The following HS6ST3 variants were observed in gnomAD, a reference collection of about 807,000 sequenced individuals.
HS6ST3 encodes heparan-sulfate 6-O-sulfotransferase 3.
HS6ST3 carries 12 observed loss-of-function variants against 36.7 expected under a neutral mutation model. That is an observed-to-expected ratio of 0.33 (90% confidence interval 0.21 to 0.53). HS6ST3 has a LOEUF of 0.53. HS6ST3 is among the 20% of genes least tolerant of loss of function. The pLI is 0.95. For synonymous variants in HS6ST3, 240 were observed against 257.5 expected (o/e 0.93, Z 0.65); for missense variants, 584 against 640.9 (o/e 0.91, Z 0.96).
Position 96,752,179 on chromosome 13 carries a change from A to G in HS6ST3, c.708-80311A>G, listed in dbSNP as rs1876717893. Among the ~76,000 whole-genome samples, 3 of 152,118 alleles carry G rather than the reference A, an allele frequency of 2.0e-5. No homozygotes were observed. The South Asian group carries it at 6.2e-4, about 32-fold the overall frequency. ...CACAATCCGTGTAGTCATTTCAGATATGCTGGTATCATTCAACAAAGGTTT... is the reference window on the plus strand; with the variant it reads ...CACAATCCGTGTAGTCATTTCAGATGTGCTGGTATCATTCAACAAAGGTTT... On this transcript the variant is annotated intron_variant, in intron 1 of 1. Transcript: ENST00000376705.
At chr13:96,484,120 A>G (rs1215035352) in intron 1 of HS6ST3, among the ~76,000 whole-genome samples, 1 of 150,578 alleles carries the variant, frequency 6.6e-6, no homozygotes, top group African/African-American at 2.5e-5. Context: ...TTTTGCCAGT[A>G]CTACAGTCTT....
chr13:96,639,212 G>A (rs553597949), intron 1 of HS6ST3, among the ~76,000 whole-genome samples: 1 of 152,036 alleles, frequency 6.6e-6, no homozygotes, highest in African/African-American at 2.4e-5. Context: ...TGAGACTCTT[G>A]TTAGGTCCAT....
At chr13:96,497,871 T>C (rs1392261907) in intron 1 of HS6ST3, among the ~76,000 whole-genome samples, 1 of 152,206 alleles carries the variant, frequency 6.6e-6, no homozygotes, top group Non-Finnish European at 1.5e-5. Flanking sequence ...ACTTCCCCTT[T>C]GTCCTCTGAA....
chr13:96,138,017 A>G (rs1389933052), intron 1 of HS6ST3, among the ~76,000 whole-genome samples: 1 of 152,218 alleles, frequency 6.6e-6, no homozygotes, highest in Admixed American at 6.5e-5. Context: ...CTGTAATGAT[A>G]GCAATTAACA....
chr13:96,557,079 C>T (rs2056243807), intron 1 of HS6ST3, among the ~76,000 whole-genome samples: 1 of 152,178 alleles, frequency 6.6e-6, no homozygotes, highest in African/African-American at 2.4e-5. Flanking sequence ...CTGTGAGGTT[C>T]TAAAAACAGC....
intron 1 of HS6ST3, among the ~76,000 whole-genome samples, chr13:96,366,181 T>C (rs2055261554): frequency 6.6e-6 from 1 of 152,292 alleles, no homozygotes; most frequent in East Asian, 1.9e-4. Flanking sequence ...TAATTTAATA[T>C]GTATAAGAAT....
At chr13:96,137,752 C>A (rs1306798442) in intron 1 of HS6ST3, among the ~76,000 whole-genome samples, 1 of 152,166 alleles carries the variant, frequency 6.6e-6, no homozygotes, top group Non-Finnish European at 1.5e-5. Flanking sequence ...CAGCATTTGA[C>A]CCTACAAGGC....
chr13:96,263,611 T>C (rs2054677039), intron 1 of HS6ST3, among the ~76,000 whole-genome samples: 1 of 152,218 alleles, frequency 6.6e-6, no homozygotes, highest in Admixed American at 6.5e-5. Context: ...TCAAGAAATG[T>C]GAACAAATTT....
At chr13:96,172,430 A>G (rs2054191908) in intron 1 of HS6ST3, among the ~76,000 whole-genome samples, 1 of 152,086 alleles carries the variant, frequency 6.6e-6, no homozygotes, top group South Asian at 2.1e-4. Context: ...CTTAAAGTGT[A>G]CAGTTTGAGA....
intron 1 of HS6ST3, among the ~76,000 whole-genome samples, chr13:96,293,108 G>A (rs543235583): frequency 1.4e-4 from 22 of 152,106 alleles, no homozygotes; most frequent in African/African-American, 5.1e-4. Context: ...AAGTAATAGT[G>A]CCCTGAAAGA....
At chr13:96,095,462 G>A (rs2053785682) in intron 1 of HS6ST3, among the ~76,000 whole-genome samples, 3 of 152,156 alleles carry the variant, frequency 2.0e-5, no homozygotes, top group African/African-American at 7.2e-5. Context: ...TATTAAATAG[G>A]ACCTTCTGTG....
At chr13:96,673,032 G>T (rs1410667086) in intron 1 of HS6ST3, among the ~76,000 whole-genome samples, 1 of 152,134 alleles carries the variant, frequency 6.6e-6, no homozygotes, top group Non-Finnish European at 1.5e-5. Flanking sequence ...ACAGGGCCAT[G>T]CTCCTTCCAG....
intron 1 of HS6ST3, among the ~76,000 whole-genome samples, chr13:96,661,766 G>C (rs963612489): frequency 6.6e-6 from 1 of 152,080 alleles, no homozygotes; most frequent in Non-Finnish European, 1.5e-5. Flanking sequence ...AATGCCTATG[G>C]CATTCCTTGT....
At chr13:96,789,304 T>C (rs1877724706) in intron 1 of HS6ST3, among the ~76,000 whole-genome samples, 1 of 151,860 alleles carries the variant, frequency 6.6e-6, no homozygotes. Flanking sequence ...AGAGGTCCTT[T>C]GGCCCTTCTC....
chr13:96,741,477 T>C (rs1876438001), intron 1 of HS6ST3, among the ~76,000 whole-genome samples: 1 of 152,202 alleles, frequency 6.6e-6, no homozygotes, highest in Non-Finnish European at 1.5e-5. Context: ...ATAGCTTCCT[T>C]GTAGAATTCT....
chr13:96,454,902 C>T (rs1427204124), intron 1 of HS6ST3, among the ~76,000 whole-genome samples: 1 of 148,594 alleles, frequency 6.7e-6, no homozygotes, highest in African/African-American at 2.5e-5. Flanking sequence ...CGCCTTTATG[C>T]CAGCCAAGCA....
Position 96,425,209 on chromosome 13 carries a change from G to A in HS6ST3, c.707+333640G>A, listed in dbSNP as rs529919109. ...TGGCACCAGCCTCTTAGATCATTGT[G>A]AGGATTAGATAGCTAAAATGTTTAA... is the stretch of plus-strand genomic sequence containing the variant. On this transcript the variant is annotated intron_variant, in intron 1 of 1. Coordinates refer to ENST00000376705, the MANE Select transcript of HS6ST3 (RefSeq NM_153456.4). Among the ~76,000 whole-genome samples the A allele has an allele frequency of 1.8e-4, 28 of 152,322 alleles. No homozygotes were observed. The South Asian group carries it at 5.8e-3, about 32-fold the overall frequency.
At chr13:96,644,995 G>A (rs577838635) in intron 1 of HS6ST3, among the ~76,000 whole-genome samples, 1 of 151,978 alleles carries the variant, frequency 6.6e-6, no homozygotes, top group African/African-American at 2.4e-5. Context: ...AATACTAACT[G>A]TTTGAATTCA....
chr13:96,112,586 T>TATATATATATAC (rs1566884911), intron 1 of HS6ST3, among the ~76,000 whole-genome samples: 2 of 52,402 alleles, frequency 3.8e-5, no homozygotes, highest in Non-Finnish European at 8.4e-5. Flanking sequence ...TAAATATATA[T>TATATATATATAC]ATATATATAT....
Sources: gnomAD v4.1 joint callset for allele counts (sites outside exome capture counted in the v4.1 genomes callset) on GRCh38, gnomAD v4.1.1 for gene constraint, MANE v1.5 for transcripts, NCBI Gene and HGNC (gene_info 2026-07-23, HGNC 2026-07-21) for gene names.